The following HECW2 variants were observed in gnomAD, a reference collection of about 807,000 sequenced individuals.
The protein encoded by HECW2 is HECT, C2 and WW domain containing E3 ubiquitin protein ligase 2, also known as E3 ubiquitin-protein ligase HECW2.
In HECW2, 61 loss-of-function variants were observed where a neutral mutation model predicts 175.2. That is an observed-to-expected ratio of 0.35 (90% confidence interval 0.28 to 0.43). HECW2 has a LOEUF of 0.43. Among genes scored for constraint, HECW2 ranks in the 20% least tolerant of loss-of-function variants. The pLI is 1.00. For missense variants in HECW2, 1,524 were observed against 2,000.5 expected (o/e 0.76, Z 4.54); for synonymous variants, 671 against 731.0 (o/e 0.92, Z 1.32).
At chr2:196,318,390 CCT>C (rs1338985276) in intron 9 of HECW2, among the ~76,000 whole-genome samples, 160 bp downstream of exon 9, 1 of 152,158 alleles carries the variant, frequency 6.6e-6, no homozygotes, top group African/African-American at 2.4e-5. Flanking sequence ...TCTTCCTGGC[CCT>C]GTTTTCAATC....
chr2:196,305,219 G>C (rs952574389), intron 13 of HECW2, among the ~76,000 whole-genome samples: 3 of 152,178 alleles, frequency 2.0e-5, no homozygotes, highest in Non-Finnish European at 4.4e-5. Context: ...TCAGTGCCTA[G>C]CACATAATCA....
chr2:196,292,845 T>C, intron 13 of HECW2, 95 bp from the exon 14 acceptor site: 1 of 929,890 alleles, frequency 1.1e-6, no homozygotes, highest in Non-Finnish European at 1.6e-6. Context: ...TTCCAATAAG[T>C]AATGAAATGC....
intron 5 of HECW2, 114 bp from the exon 6 acceptor site, chr2:196,325,263 T>G: frequency 1.4e-6 from 1 of 700,090 alleles, no homozygotes; most frequent in Non-Finnish European, 2.3e-6. Context: ...TCATATGTCC[T>G]GATTAGAACA....
intron 1 of HECW2, among the ~76,000 whole-genome samples, chr2:196,458,744 T>C (rs1696619269): frequency 6.6e-6 from 1 of 152,120 alleles, no homozygotes; most frequent in African/African-American, 2.4e-5. Flanking sequence ...TGTGCACCTG[T>C]AGTTCCAGCT....
At chr2:196,338,195 T>G (rs574098177) in intron 3 of HECW2, among the ~76,000 whole-genome samples, 13 of 152,318 alleles carry the variant, frequency 8.5e-5, no homozygotes, top group Admixed American at 3.3e-4. Flanking sequence ...AACTTAAACC[T>G]GTTCTCGAGT....
intron 1 of HECW2, among the ~76,000 whole-genome samples, chr2:196,436,199 G>A (rs1288058505): frequency 6.6e-6 from 1 of 152,052 alleles, no homozygotes; most frequent in Non-Finnish European, 1.5e-5. Context: ...AGGAGATTGA[G>A]ACCATCCTGG....
chr2:196,423,708 G>GTGTGTA (rs1553516081), intron 2 of HECW2, among the ~76,000 whole-genome samples: 4,588 of 151,604 alleles, frequency 0.03, 226 homozygotes, highest in African/African-American at 0.1. Flanking sequence ...GTGTGTGTGT[G>GTGTGTA]TGTGTGTTTA....
At chr2:196,405,241 T>C (rs995278790) in intron 2 of HECW2, among the ~76,000 whole-genome samples, 2 of 152,098 alleles carry the variant, frequency 1.3e-5, no homozygotes, top group African/African-American at 4.8e-5. Context: ...ACACCTGCAG[T>C]CCAGCTGGTA....
At chr2:196,288,136 A>C (rs1690462212) in intron 14 of HECW2, 1 of 152,188 alleles carries the variant, frequency 6.6e-6, no homozygotes, top group East Asian at 1.9e-4. Context: ...TGTCTAGGAA[A>C]GGGATGGTTA....
At chr2:196,454,202 C>T (rs775106938) in intron 1 of HECW2, among the ~76,000 whole-genome samples, 19 of 152,072 alleles carry the variant, frequency 1.2e-4, no homozygotes, top group Non-Finnish European at 2.4e-4. Context: ...TCAAGCGATC[C>T]GCCCGCCTCG....
chr2:196,587,203 C>A (rs992914103), intron 1 of HECW2, among the ~76,000 whole-genome samples: 3 of 152,200 alleles, frequency 2.0e-5, no homozygotes, highest in Non-Finnish European at 2.9e-5. Context: ...TCCTAGAAAA[C>A]TTCAATAGTA....
At chr2:196,280,350 C>A (rs1027419789) in intron 14 of HECW2, among the ~76,000 whole-genome samples, 1 of 152,110 alleles carries the variant, frequency 6.6e-6, no homozygotes, top group African/African-American at 2.4e-5. Flanking sequence ...TATATTTATG[C>A]CTATTTAGAA....
At chr2:196,278,224 T>C (rs1690049675) in intron 15 of HECW2, among the ~76,000 whole-genome samples, 1 of 143,064 alleles carries the variant, frequency 7.0e-6, no homozygotes, top group Non-Finnish European at 1.5e-5. Context: ...GCAAATGGGC[T>C]TATCATCTTC....
At chr2:196,216,884 G>T (rs1281456798) in intron 27 of HECW2, 124 bp downstream of exon 27, 3 of 623,450 alleles carry the variant, frequency 4.8e-6, no homozygotes, top group Admixed American at 3.5e-5. Context: ...TGGAAATGGT[G>T]TATCTCATAT....
At chr2:196,473,877 CA>C (rs1697315312) in intron 1 of HECW2, among the ~76,000 whole-genome samples, 1 of 152,216 alleles carries the variant, frequency 6.6e-6, no homozygotes, top group African/African-American at 2.4e-5. Context: ...TATTGATATT[CA>C]TTTTGGAACA....
chr2:196,334,840 T>G (rs1692492729), intron 3 of HECW2, among the ~76,000 whole-genome samples: 1 of 152,206 alleles, frequency 6.6e-6, no homozygotes, highest in Non-Finnish European at 1.5e-5. Context: ...ATGTCTCACG[T>G]TCATGTTGTT....
chr2:196,266,109 T>C (rs1282162926), intron 17 of HECW2, among the ~76,000 whole-genome samples: 7 of 149,860 alleles, frequency 4.7e-5, no homozygotes, highest in Non-Finnish European at 1.0e-4. Flanking sequence ...AGCAGGAGGA[T>C]CTCTTAAGCC....
At chr2:196,259,062 C>T (rs988095162) in intron 17 of HECW2, among the ~76,000 whole-genome samples, 4 of 152,200 alleles carry the variant, frequency 2.6e-5, no homozygotes, top group Non-Finnish European at 4.4e-5. Flanking sequence ...CAACCTCTGC[C>T]TCCTGGGTTC....
chr2:196,219,924 G>T, intron 26 of HECW2, 115 bp downstream of exon 26: 1 of 678,480 alleles, frequency 1.5e-6, no homozygotes, highest in South Asian at 1.7e-5. Flanking sequence ...GCCTGCATCA[G>T]ACCTATGATT....
Sources: gnomAD v4.1 joint callset for allele counts (sites outside exome capture counted in the v4.1 genomes callset) on GRCh38, gnomAD v4.1.1 for gene constraint, MANE v1.5 for transcripts, NCBI Gene and HGNC (gene_info 2026-07-23, HGNC 2026-07-21) for gene names.